The following GALNT15 variants were observed in gnomAD, a reference collection of about 807,000 sequenced individuals.
GALNT15 encodes the protein UDP-GalNAc transferase T15.
A neutral mutation model predicts 66.8 loss-of-function variants in GALNT15; 67 were observed. The ratio of observed to expected loss-of-function variants is 1.00; its 90% CI spans 0.82 to 1.23. GALNT15 has a LOEUF of 1.23. Ranked by LOEUF, GALNT15 falls within the 50% of genes most tolerant of loss-of-function variation. The pLI is 0.00. For missense variants in GALNT15, 827 were observed against 804.3 expected (o/e 1.03, Z -0.34); for synonymous variants, 313 against 311.5 (o/e 1.00, Z -0.05).
At position 16,194,713 on chromosome 3, in the gene GALNT15, A is replaced by G. The variant is rs527771698; in HGVS notation, c.540-1047A>G. Among the ~76,000 whole-genome samples, 11 of 152,362 alleles carry G rather than the reference A, an allele frequency of 7.2e-5. No individual in the cohort carries two copies. The South Asian group carries it at 1.2e-3, about 17-fold the overall frequency. On this transcript the variant is annotated intron_variant, in intron 1 of 9. Coordinates refer to ENST00000339732, the MANE Select transcript of GALNT15 (RefSeq NM_054110.5). Reference sequence around the variant, plus strand: ...GATGGAGCTGGAAAACATTATCCTCAGCAAATGAACACAGGAACAGAAAAC... The same window carrying G: ...GATGGAGCTGGAAAACATTATCCTCGGCAAATGAACACAGGAACAGAAAAC...
At position 16,227,881 on chromosome 3, in the gene GALNT15, A is replaced by G. The variant is rs532221982; in HGVS notation, c.*381A>G. The G allele has an allele frequency of 2.6e-5, 26 of 1,019,498 alleles. No individual in the cohort carries two copies. The African/African-American group carries it at 4.2e-4, about 16-fold the overall frequency. The allele number at this position is 1,019,498 out of a possible 1,614,324, so 63.2% of individuals were successfully genotyped here. A position where few individuals can be genotyped will look rare whatever the true frequency, so the allele number is the denominator to read the frequency against. Reference sequence around the variant, plus strand: ...AATGGATCAATTTATTTGTCTTCAAATGGCCTTAACTTGGATTGTCTGTTT... The same window carrying G: ...AATGGATCAATTTATTTGTCTTCAAGTGGCCTTAACTTGGATTGTCTGTTT... On this transcript the variant is annotated 3_prime_UTR_variant, in exon 10 of 10. Coordinates refer to ENST00000339732, the MANE Select transcript of GALNT15 (RefSeq NM_054110.5). This position sits in a 1 kb window ranked among gnomAD's most constrained non-coding sequence, Gnocchi z 4.5.
Position 16,175,814 on chromosome 3 carries a change from A to C in GALNT15, c.539+124A>C. 1.2e-6 allele frequency: 1 copy of C among 864,368 alleles called. No individual in the cohort carries two copies. The highest frequency in any genetic ancestry group is 1.9e-5 in the South Asian group (1 of 53,194). 53.5% of individuals were successfully genotyped at this position (864,368 alleles called of 1,614,324 possible). The stretch of plus-strand genomic sequence containing the variant: ...TTAGAGCAAGTGCTTTTCAAGATGC[A>C]GTACCTGGGCCAGCAGCGTCAGCAG... On this transcript the variant is annotated intron_variant, in intron 1 of 9. Transcript: ENST00000339732. This position sits in a 1 kb window ranked among gnomAD's most constrained non-coding sequence, Gnocchi z 5.6.
At chr3:16,207,237 C>A (rs943636627) in intron 3 of GALNT15, among the ~76,000 whole-genome samples, 1 of 152,146 alleles carries the variant, frequency 6.6e-6, no homozygotes, top group Non-Finnish European at 1.5e-5. Flanking sequence ...AGTGTAAACA[C>A]AATGTGGCTA....
rs563180953 is a variant in GALNT15, at chr3:16,200,498, G to A, written c.707-121G>A. Reference sequence around the variant, plus strand: ...CAACCACACTGTAGTAATGTTTTCGGTTCTTAGGACCCAGGTGCTCACCAC... The same window carrying A: ...CAACCACACTGTAGTAATGTTTTCGATTCTTAGGACCCAGGTGCTCACCAC... On this transcript the variant is annotated intron_variant, in intron 2 of 9. Coordinates refer to ENST00000339732, the MANE Select transcript of GALNT15 (RefSeq NM_054110.5). The surrounding 1 kb of genome is among the most constrained non-coding windows in gnomAD (Gnocchi z 4.4). 13 of 702,570 alleles carry A rather than the reference G, an allele frequency of 1.9e-5. No individual in the cohort carries two copies. Among genetic ancestry groups the A allele is most frequent in the Non-Finnish European group, 2.6e-5 (12 of 458,450 alleles). 43.5% of individuals were successfully genotyped at this position (702,570 alleles called of 1,614,324 possible).
In GALNT15 at chr3:16,192,872, C is replaced by T. The variant is rs115635421; in HGVS notation, c.540-2888C>T. Among the ~76,000 whole-genome samples, 1,404 of 152,248 alleles carry T rather than the reference C, an allele frequency of 9.2e-3. 8 individuals are homozygous for T. Among genetic ancestry groups the T allele is most frequent in the South Asian group, 0.015 (70 of 4,826 alleles). On this transcript the variant is annotated intron_variant, in intron 1 of 9. Transcript: ENST00000339732. The stretch of plus-strand genomic sequence containing the variant: ...GAATGGTTCTCAGAATGCTGCCATG[C>T]ATTTAGGGACTTCTTGCTAAAGTCC...
At position 16,180,676 on chromosome 3, in the gene GALNT15, C is replaced by T. The variant is rs190163986; in HGVS notation, c.539+4986C>T. Among the ~76,000 whole-genome samples the T allele has an allele frequency of 8.5e-5, 13 of 152,232 alleles. No individual in the cohort carries two copies. The highest frequency in any genetic ancestry group is 1.9e-4 in the East Asian group (1 of 5,184). On this transcript the variant is annotated intron_variant, in intron 1 of 9. Coordinates refer to ENST00000339732, the MANE Select transcript of GALNT15 (RefSeq NM_054110.5). This position sits in a 1 kb window ranked among gnomAD's most constrained non-coding sequence, Gnocchi z 5.0. Reference sequence around the variant, plus strand: ...GCTGGTAGAGTTTGGGAAGTTTCCACGTAGGAAGCAATACTAGAGTCAGAA... The same window carrying T: ...GCTGGTAGAGTTTGGGAAGTTTCCATGTAGGAAGCAATACTAGAGTCAGAA...
intron 9 of GALNT15, 27 bp downstream of exon 9, chr3:16,222,785 G>C: frequency 3.1e-6 from 5 of 1,611,456 alleles, no homozygotes; most frequent in Non-Finnish European, 4.2e-6. Flanking sequence ...GGAAGAGCCT[G>C]GTAGTGCTGC....
chr3:16,203,809 C>T lies in GALNT15; in HGVS notation c.911+2986C>T, dbSNP rs1228471431. Among the ~76,000 whole-genome samples the T allele has an allele frequency of 6.6e-6, 1 of 152,152 alleles. No individual in the cohort carries two copies. Among genetic ancestry groups the T allele is most frequent in the Non-Finnish European group, 1.5e-5 (1 of 68,034 alleles). Reference sequence around the variant, plus strand: ...TATCTGAGTCCCACTCTCTCCACTCCACCTGGCAACGCTCTATGAGCTGTG... The same window carrying T: ...TATCTGAGTCCCACTCTCTCCACTCTACCTGGCAACGCTCTATGAGCTGTG... On this transcript the variant is annotated intron_variant, in intron 3 of 9. Coordinates refer to ENST00000339732, the MANE Select transcript of GALNT15 (RefSeq NM_054110.5). The surrounding 1 kb of genome is among the most constrained non-coding windows in gnomAD (Gnocchi z 6.2).
chr3:16,246,321 G>GTTTTTTTTTT, the GALNT15 span, among the ~76,000 whole-genome samples: 1 of 85,274 alleles, frequency 1.2e-5, no homozygotes, highest in Admixed American at 1.4e-4. Flanking sequence ...TTTGAAAGTG[G>GTTTTTTTTTT]TTTTTTTTTT....
Position 16,211,181 on chromosome 3 carries a change from T to G in GALNT15, c.1137T>G (p.Thr379=). The G allele has an allele frequency of 6.2e-7, 1 of 1,614,086 alleles. No homozygotes were observed. Among genetic ancestry groups the G allele is most frequent in the Non-Finnish European group, 8.5e-7 (1 of 1,179,958 alleles). Residue 379 remains threonine (T), a synonymous_variant, in exon 5 of 10, where the codon ACT becomes ACG. Transcript: ENST00000339732. This position sits in a 1 kb window ranked among gnomAD's most constrained non-coding sequence, Gnocchi z 4.3. ...VAMDRHYFQN[T]GAYDSLMSLR... ...TGGACAGACATTACTTCCAAAACAC[T>G]GGAGCGTATGACTCTCTTATGTCGC...
chr3:16,187,905 C>T lies in GALNT15; in HGVS notation c.540-7855C>T, dbSNP rs1372630593. Reference sequence around the variant, plus strand: ...CATCACAGGTGCTACCCTATTCCTCCATTCTCCCTCAGTGAAAACAAATCA... The same window carrying T: ...CATCACAGGTGCTACCCTATTCCTCTATTCTCCCTCAGTGAAAACAAATCA... On this transcript the variant is annotated intron_variant, in intron 1 of 9. Coordinates refer to ENST00000339732, the MANE Select transcript of GALNT15 (RefSeq NM_054110.5). This position sits in a 1 kb window ranked among gnomAD's most constrained non-coding sequence, Gnocchi z 5.1. Among the ~76,000 whole-genome samples, 3 of 152,162 alleles carry T rather than the reference C, an allele frequency of 2.0e-5. No individual in the cohort carries two copies. Among genetic ancestry groups the T allele is most frequent in the Non-Finnish European group, 2.9e-5 (2 of 68,038 alleles).
At chr3:16,231,288 C>T (rs1172848069), downstream of GALNT15, among the ~76,000 whole-genome samples, 5 of 152,114 alleles carry the variant, frequency 3.3e-5, no homozygotes, top group Non-Finnish European at 5.9e-5. The surrounding 1 kb of genome is among the most constrained non-coding windows in gnomAD (Gnocchi z 4.1). Context: ...CAAACCTGCA[C>T]GTTCTGCACA....
rs1227463458 is a variant in GALNT15, at chr3:16,195,944, C to G, written c.706+18C>G. 1 of 1,613,312 alleles carries G rather than the reference C, an allele frequency of 6.2e-7. No homozygotes were observed. Among genetic ancestry groups the G allele is most frequent in the Middle Eastern group, 1.7e-4 (1 of 6,058 alleles). ...CCAGCAAGGTAGCCACGGCTTTCCT[C>G]CAGGCTCGTCTGGGTGAGCCTTACC... On this transcript the variant is annotated intron_variant, in intron 2 of 9. Coordinates refer to ENST00000339732, the MANE Select transcript of GALNT15 (RefSeq NM_054110.5). The surrounding 1 kb of genome is among the most constrained non-coding windows in gnomAD (Gnocchi z 4.6).
rs780905111 is a variant in GALNT15 at position 16,227,574 on chromosome 3, A to G, written c.*74A>G. On this transcript the variant is annotated 3_prime_UTR_variant, in exon 10 of 10. Coordinates refer to ENST00000339732, the MANE Select transcript of GALNT15 (RefSeq NM_054110.5). This position sits in a 1 kb window ranked among gnomAD's most constrained non-coding sequence, Gnocchi z 4.5. ...CCAAGTGAACTTAAAGAGCTTATAT[A>G]TTTCATGAAGCTGATCCTTTTGTGT... is the stretch of plus-strand genomic sequence containing the variant. 24 of 1,611,436 alleles carry G rather than the reference A, an allele frequency of 1.5e-5. No individual in the cohort carries two copies. Among genetic ancestry groups the G allele is most frequent in the Non-Finnish European group, 2.5e-6 (3 of 1,179,238 alleles).
At position 16,225,258 on chromosome 3, in the gene GALNT15, A is replaced by T. The variant is rs2063993641; in HGVS notation, c.1774-2096A>T. Among the ~76,000 whole-genome samples, 1 of 152,184 alleles carries T rather than the reference A, an allele frequency of 6.6e-6. No homozygotes were observed. On this transcript the variant is annotated intron_variant, in intron 9 of 9. Transcript: ENST00000339732. This position sits in a 1 kb window ranked among gnomAD's most constrained non-coding sequence, Gnocchi z 4.4. ...TGTCCCCATGATCCAAACATCCCCC[A>T]CCAAACCCCACCTCCAGCACTGGGA...
chr3:16,208,434 T>A, intron 3 of GALNT15, 69 bp from the exon 4 acceptor site: 1 of 1,548,254 alleles, frequency 6.5e-7, no homozygotes, highest in African/African-American at 1.4e-5. Flanking sequence ...GCAGCCCATG[T>A]ACAGACTGTT....
rs1306554093 is a variant in GALNT15 at position 16,175,345 on chromosome 3, A to G, written c.194A>G (p.Gln65Arg). Reference sequence around the variant, plus strand: ...TACCGCCTGGACTTTGGGGAATCCCAGGATTGGGTACTGGAAGCTGAGGAT... The same window carrying G: ...TACCGCCTGGACTTTGGGGAATCCCGGGATTGGGTACTGGAAGCTGAGGAT... Reference protein sequence around the residue: ...ARYRLDFGESQDWVLEAEDEG... With the variant: ...ARYRLDFGESRDWVLEAEDEG... Residue 65 changes from glutamine to arginine, a missense_variant, in exon 1 of 10, where the codon CAG becomes CGG. Coordinates refer to ENST00000339732, the MANE Select transcript of GALNT15 (RefSeq NM_054110.5). The surrounding 1 kb of genome is among the most constrained non-coding windows in gnomAD (Gnocchi z 5.6). 1 of 1,614,030 alleles carries G rather than the reference A, an allele frequency of 6.2e-7. No individual in the cohort carries two copies. The highest frequency in any genetic ancestry group is 8.5e-7 in the Non-Finnish European group (1 of 1,180,020).
Position 16,229,926 on chromosome 3 carries a change from A to G in GALNT15, c.*2426A>G, listed in dbSNP as rs1026923519. On this transcript the variant is annotated 3_prime_UTR_variant, in exon 10 of 10. Coordinates refer to ENST00000339732, the MANE Select transcript of GALNT15 (RefSeq NM_054110.5). ...GTATTTACAGACCCTTAATTTAAGT[A>G]AAACAGATGCCTCCATTTAGTTCTA... is the stretch of plus-strand genomic sequence containing the variant. Among the ~76,000 whole-genome samples, 5 of 152,218 alleles carry G rather than the reference A, an allele frequency of 3.3e-5. No homozygotes were observed. Among genetic ancestry groups the G allele is most frequent in the Non-Finnish European group, 7.3e-5 (5 of 68,042 alleles).
the GALNT15 span, among the ~76,000 whole-genome samples, chr3:16,243,277 T>C: frequency 6.6e-6 from 1 of 152,302 alleles, no homozygotes; most frequent in South Asian, 2.1e-4. Flanking sequence ...CCCATGGAAG[T>C]TCGGCCAGAG....
Sources: gnomAD v4.1 joint callset for allele counts (sites outside exome capture counted in the v4.1 genomes callset) on GRCh38, gnomAD v4.1.1 for gene constraint, Gnocchi (gnomAD v3.1) non-coding constraint, MANE v1.5 for transcripts, NCBI Gene and HGNC (gene_info 2026-07-23, HGNC 2026-07-21) for gene names.